Variants in TXNRD2 observed in about 807,000 individuals in gnomAD.
TXNRD2 encodes the protein thioredoxin reductase 2, also known as thioredoxin reductase 2, mitochondrial.
TXNRD2 carries 67 observed loss-of-function variants against 70.8 expected under a neutral mutation model. The observed-to-expected ratio is 0.95, with a 90% CI of 0.78 to 1.16. The LOEUF (loss-of-function observed/expected upper bound fraction) is 1.16. TXNRD2 is among the 50% of genes most tolerant of loss of function. The pLI is 0.00. For missense variants in TXNRD2, 644 were observed against 719.9 expected (o/e 0.89, Z 1.21); for synonymous variants, 301 against 295.8 (o/e 1.02, Z -0.18).
In TXNRD2 at chr22:19,941,723, C is replaced by T. The variant is rs1256368226; in HGVS notation, c.81G>A (p.Arg27=). 1 of 1,487,176 alleles carries T rather than the reference C, an allele frequency of 6.7e-7. No homozygotes were observed. Among genetic ancestry groups the T allele is most frequent in the Admixed American group, 2.2e-5 (1 of 44,746 alleles). The allele number at this position is 1,487,176 out of a possible 1,614,324, so 92.1% of individuals were successfully genotyped here. ...TACCTGCTGCGCCCCGCGCCGCGCC[C>T]CGCACCCCGCCCGCCACGGCCTGCG... The part of the protein sequence containing the change: ...WRTQAVAGGV[R]GAARGAAAGQ... The change falls in exon 1 of 18, where the codon CGG becomes CGA. Residue 27 remains arginine (R), a synonymous_variant. Coordinates refer to ENST00000400521, the MANE Select transcript of TXNRD2 (RefSeq NM_006440.5).
chr22:19,921,355 C>T (rs564205653), intron 2 of TXNRD2, among the ~76,000 whole-genome samples: 2 of 145,196 alleles, frequency 1.4e-5, no homozygotes, highest in East Asian at 4.0e-4. Context: ...GTGGAGGATG[C>T]AGTGAGTCAA....
intron 12 of TXNRD2, among the ~76,000 whole-genome samples, chr22:19,882,747 A>G (rs1938837907): frequency 6.6e-6 from 1 of 152,210 alleles, no homozygotes; most frequent in Non-Finnish European, 1.5e-5. Context: ...TGACCACCAC[A>G]GTCCCTTACT....
chr22:19,890,137 T>C (rs1035723603), intron 11 of TXNRD2, among the ~76,000 whole-genome samples: 2 of 151,960 alleles, frequency 1.3e-5, no homozygotes, highest in African/African-American at 4.8e-5. Flanking sequence ...CTCTGTGAGG[T>C]GTTAGCACCA....
intron 8 of TXNRD2, among the ~76,000 whole-genome samples, chr22:19,902,012 A>G (rs1446824479): frequency 1.3e-5 from 2 of 152,210 alleles, no homozygotes; most frequent in African/African-American, 4.8e-5. Context: ...CAGCCTGAGC[A>G]ATACAGCTTG....
At chr22:19,885,067 G>T (rs968810163) in intron 11 of TXNRD2, among the ~76,000 whole-genome samples, 4 of 152,142 alleles carry the variant, frequency 2.6e-5, no homozygotes, top group African/African-American at 9.7e-5. Context: ...CCCCCTGCCA[G>T]TCTCCACACA....
chr22:19,908,790 C>G (rs1940186310), intron 8 of TXNRD2, among the ~76,000 whole-genome samples: 1 of 152,114 alleles, frequency 6.6e-6, no homozygotes, highest in African/African-American at 2.4e-5. Context: ...GAATATTACT[C>G]AGTCTTAAAA....
intron 2 of TXNRD2, among the ~76,000 whole-genome samples, chr22:19,927,242 T>C (rs1941181235): frequency 6.6e-6 from 1 of 151,092 alleles, no homozygotes; most frequent in African/African-American, 2.4e-5. Context: ...TGCAGTGAGC[T>C]GAGATTGTGC....
chr22:19,915,400 TGGCCAGCAGTTCAGA>T (rs1225910673), intron 6 of TXNRD2, 124 bp from the exon 7 acceptor site: 1 of 991,366 alleles, frequency 1.0e-6, no homozygotes, highest in Non-Finnish European at 1.6e-6. Context: ...CGTGGACCCT[TGGCCAGCAGTTCAGA>T]GGCCCTATGG....
At chr22:19,915,733 C>T in intron 6 of TXNRD2, 32 bp downstream of exon 6, 1 of 1,610,760 alleles carries the variant, frequency 6.2e-7, no homozygotes, top group Non-Finnish European at 8.5e-7. Context: ...GAAGGGTCCA[C>T]AAGGAGCCAC....
At position 19,915,763 on chromosome 22, in the gene TXNRD2, A is replaced by G. The variant is rs775856560; in HGVS notation, c.528+2T>C. The G allele has an allele frequency of 1.2e-6, 2 of 1,614,092 alleles. No individual in the cohort carries two copies. The highest frequency in any genetic ancestry group is 1.6e-4 in the Middle Eastern group (1 of 6,062). ...AGCCACGCGAGTAAGTCAGATGCTC[A>G]CCTCTTTCCCACCTTTGGCAACGCC... On this transcript the variant is annotated splice_donor_variant, in intron 6 of 17. Coordinates refer to ENST00000400521, the MANE Select transcript of TXNRD2 (RefSeq NM_006440.5). LOFTEE classifies it high-confidence loss of function.
intron 14 of TXNRD2, 135 bp downstream of exon 14, chr22:19,880,044 C>T (rs1247763133): frequency 8.6e-6 from 8 of 930,208 alleles, no homozygotes; most frequent in South Asian, 2.8e-5. Flanking sequence ...TGTCCCTTCC[C>T]GCTACACACA....
At chr22:19,926,471 C>G (rs1482818633) in intron 2 of TXNRD2, among the ~76,000 whole-genome samples, 1 of 151,644 alleles carries the variant, frequency 6.6e-6, no homozygotes, top group Admixed American at 6.6e-5. Flanking sequence ...GTCAGGGTGA[C>G]AGAGCGAGAC....
chr22:19,878,641 G>A (rs1276036052), intron 14 of TXNRD2, among the ~76,000 whole-genome samples: 5 of 152,244 alleles, frequency 3.3e-5, no homozygotes. Context: ...GCAGCCAGTG[G>A]CTGGAGCCAT....
At chr22:19,922,622 G>A (rs936819751) in intron 2 of TXNRD2, among the ~76,000 whole-genome samples, 4 of 152,060 alleles carry the variant, frequency 2.6e-5, no homozygotes, top group African/African-American at 9.7e-5. Context: ...AACCTCTTAT[G>A]CATCTCAACT....
At chr22:19,921,762 G>C (rs8141516) in intron 2 of TXNRD2, among the ~76,000 whole-genome samples, 49,720 of 152,016 alleles carry the variant, frequency 0.33, 8,677 homozygotes, top group East Asian at 0.47. Context: ...TGAGAGATCT[G>C]ATCGGCGCAT....
intron 2 of TXNRD2, among the ~76,000 whole-genome samples, chr22:19,930,487 C>T (rs1442089922): frequency 6.6e-6 from 1 of 152,138 alleles, no homozygotes; most frequent in Non-Finnish European, 1.5e-5. Context: ...GGGTCCAGCC[C>T]GTTCGCCCAA....
chr22:19,899,706 A>G (rs1194685518), intron 8 of TXNRD2, among the ~76,000 whole-genome samples: 1 of 152,262 alleles, frequency 6.6e-6, no homozygotes, highest in Non-Finnish European at 1.5e-5. Context: ...TTTTGCATGC[A>G]CATGTACTCA....
intron 8 of TXNRD2, among the ~76,000 whole-genome samples, chr22:19,907,703 T>C (rs1601431505): frequency 2.1e-5 from 1 of 47,570 alleles, no homozygotes; most frequent in African/African-American, 8.1e-5. Flanking sequence ...TGGGTAGCAG[T>C]GACCGCTCTC....
chr22:19,919,615 G>A lies in TXNRD2; in HGVS notation c.173-16C>T. ...AGCTGGGCGGCTGGAAGGATAAGGA[G>A]AGCAGCAGGTGAGCATGGGGAGCTG... On this transcript the variant is annotated splice_polypyrimidine_tract_variant and intron_variant, in intron 2 of 17. Coordinates refer to ENST00000400521, the MANE Select transcript of TXNRD2 (RefSeq NM_006440.5). 6.4e-7 allele frequency: 1 copy of A among 1,553,760 alleles called. No homozygotes were observed. Among genetic ancestry groups the A allele is most frequent in the Non-Finnish European group, 8.7e-7 (1 of 1,149,590 alleles).
Sources: allele counts gnomAD v4.1 joint callset (sites outside exome capture counted in the v4.1 genomes callset), GRCh38; gene constraint gnomAD v4.1.1; transcripts MANE v1.5; gene names NCBI Gene and HGNC (gene_info 2026-07-23, HGNC 2026-07-21).